Variants in CSNK2A2IP observed in about 807,000 individuals in gnomAD.
The protein encoded by CSNK2A2IP is casein kinase II subunit alpha'-interacting protein.
the CSNK2A2IP span, among the ~76,000 whole-genome samples, chr3:88,464,151 C>T: frequency 1.4e-4 from 15 of 107,064 alleles, no homozygotes; most frequent in African/African-American, 4.1e-4. Context: ...CATCACACAC[C>T]GGGGACTGTT....
the CSNK2A2IP span, among the ~76,000 whole-genome samples, chr3:88,410,016 C>G: frequency 2.6e-5 from 4 of 152,018 alleles, no homozygotes; most frequent in South Asian, 8.3e-4. Flanking sequence ...AGACCTTTCA[C>G]CCAACAGTAG....
chr3:88,463,913 C>A, the CSNK2A2IP span, among the ~76,000 whole-genome samples: 1 of 151,898 alleles, frequency 6.6e-6, no homozygotes, highest in African/African-American at 2.4e-5. Context: ...AAATGTCCAA[C>A]AATGATAGAC....
chr3:88,444,131 G>T, the CSNK2A2IP span, among the ~76,000 whole-genome samples: 1 of 152,056 alleles, frequency 6.6e-6, no homozygotes, highest in Non-Finnish European at 1.5e-5. Context: ...AGGTAAAAAA[G>T]ATAACCAAAA....
the CSNK2A2IP span, among the ~76,000 whole-genome samples, chr3:88,380,085 G>A: frequency 6.6e-6 from 1 of 151,946 alleles, no homozygotes. Context: ...GTTGACAAAA[G>A]CATACATGCT....
the CSNK2A2IP span, chr3:88,399,749 A>G: frequency 6.6e-6 from 1 of 152,186 alleles, no homozygotes; most frequent in African/African-American, 2.4e-5. Flanking sequence ...AAGCTGAACA[A>G]GAAAGGAGAG....
chr3:88,421,275 G>A, the CSNK2A2IP span, among the ~76,000 whole-genome samples: 27 of 152,102 alleles, frequency 1.8e-4, no homozygotes, highest in Admixed American at 2.6e-4. Context: ...TTGAAGATAC[G>A]TATGTATATA....
the CSNK2A2IP span, among the ~76,000 whole-genome samples, chr3:88,354,400 G>C: frequency 6.6e-6 from 1 of 152,136 alleles, no homozygotes; most frequent in East Asian, 1.9e-4. Context: ...TTTTAAATCT[G>C]TATGTGGCAT....
chr3:88,350,930 GA>G, the CSNK2A2IP span, among the ~76,000 whole-genome samples: 2 of 152,058 alleles, frequency 1.3e-5, no homozygotes, highest in African/African-American at 4.8e-5. Context: ...ACATTTTTAG[GA>G]TCCAAAGAAG....
At chr3:88,392,273 G>A in the CSNK2A2IP span, among the ~76,000 whole-genome samples, 7 of 152,190 alleles carry the variant, frequency 4.6e-5, 1 homozygote, top group Admixed American at 3.9e-4. Flanking sequence ...TAGGCAGTTG[G>A]ATATGTGGTT....
At chr3:88,344,874 C>T in the CSNK2A2IP span, among the ~76,000 whole-genome samples, 2 of 151,896 alleles carry the variant, frequency 1.3e-5, no homozygotes, top group Non-Finnish European at 2.9e-5. Context: ...TACTCCATCC[C>T]ACATCTGAAA....
chr3:88,448,787 A>G, the CSNK2A2IP span, among the ~76,000 whole-genome samples: 4 of 152,216 alleles, frequency 2.6e-5, no homozygotes, highest in Non-Finnish European at 5.9e-5. Flanking sequence ...TGCCTGGCAA[A>G]TCAAATGACA....
At chr3:88,402,023 T>C in the CSNK2A2IP span, among the ~76,000 whole-genome samples, 1 of 140,798 alleles carries the variant, frequency 7.1e-6, no homozygotes, top group African/African-American at 2.9e-5. Context: ...ATCTGCTATG[T>C]CTTTTTTTTT....
At chr3:88,419,969 A>G in the CSNK2A2IP span, among the ~76,000 whole-genome samples, 2 of 152,192 alleles carry the variant, frequency 1.3e-5, no homozygotes, top group Non-Finnish European at 2.9e-5. Flanking sequence ...GAAAAAAACC[A>G]ATACATTCAC....
chr3:88,375,383 G>C, the CSNK2A2IP span, among the ~76,000 whole-genome samples: 508 of 151,854 alleles, frequency 3.3e-3, 2 homozygotes, highest in African/African-American at 0.012. Flanking sequence ...AAGGGAATTT[G>C]GTACTAGGGT....
the CSNK2A2IP span, among the ~76,000 whole-genome samples, chr3:88,339,509 G>A: frequency 1.3e-5 from 2 of 151,992 alleles, no homozygotes; most frequent in African/African-American, 2.4e-5. Flanking sequence ...AAACATGGGA[G>A]TGCAGATACC....
the CSNK2A2IP span, among the ~76,000 whole-genome samples, chr3:88,386,074 T>C: frequency 6.6e-6 from 1 of 152,122 alleles, no homozygotes; most frequent in Non-Finnish European, 1.5e-5. Context: ...AATATGGCAG[T>C]CCATTTGTGA....
At chr3:88,401,348 G>A in the CSNK2A2IP span, among the ~76,000 whole-genome samples, 1 of 151,990 alleles carries the variant, frequency 6.6e-6, no homozygotes, top group African/African-American at 2.4e-5. Flanking sequence ...ATGACCATAT[G>A]CATACATAAC....
At chr3:88,417,983 TA>T in the CSNK2A2IP span, among the ~76,000 whole-genome samples, 1 of 152,212 alleles carries the variant, frequency 6.6e-6, no homozygotes, top group Non-Finnish European at 1.5e-5. Flanking sequence ...AAAAATATTT[TA>T]AAATGTATAT....
chr3:88,415,021 C>CCACACA, the CSNK2A2IP span, among the ~76,000 whole-genome samples: 3 of 148,764 alleles, frequency 2.0e-5, 1 homozygote, highest in South Asian at 6.4e-4. Context: ...TAAAAAAAAC[C>CCACACA]CACACACACA....
Sources: gnomAD v4.1 joint callset for allele counts (sites outside exome capture counted in the v4.1 genomes callset) on GRCh38, gnomAD v4.1.1 for gene constraint, MANE v1.5 for transcripts, NCBI Gene and HGNC (gene_info 2026-07-23, HGNC 2026-07-21) for gene names.